Variants in INHBB observed in about 807,000 individuals in gnomAD.
INHBB encodes inhibin beta B chain.
In INHBB, 8 loss-of-function variants were observed where a neutral mutation model predicts 28.9. The ratio of observed to expected loss-of-function variants is 0.28; its 90% CI spans 0.16 to 0.50. INHBB has a LOEUF of 0.50. Ranked by LOEUF, INHBB falls within the 20% of genes least tolerant of loss-of-function variation. The pLI, the probability that INHBB is intolerant of heterozygous loss-of-function variation, is 0.98. For missense variants in INHBB, 499 were observed against 597.8 expected (o/e 0.83, Z 1.72); for synonymous variants, 293 against 262.7 (o/e 1.12, Z -1.12).
At chr2:120,348,090 C>T (rs920513357) in intron 1 of INHBB, among the ~76,000 whole-genome samples, 5 of 151,968 alleles carry the variant, frequency 3.3e-5, no homozygotes, top group Admixed American at 1.3e-4. Flanking sequence ...CTGCAGTTTC[C>T]CCCATTTCAA....
chr2:120,348,524 G>A (rs1302200281), intron 1 of INHBB, among the ~76,000 whole-genome samples: 1 of 152,068 alleles, frequency 6.6e-6, no homozygotes, highest in Non-Finnish European at 1.5e-5. Flanking sequence ...ACGTTCCTAT[G>A]TCAGAAACCT....
chr2:120,349,142 C>T lies in INHBB; in HGVS notation c.492C>T (p.Ser164=). 6.2e-7 allele frequency: 1 copy of T among 1,613,026 alleles called. No individual in the cohort carries two copies. The highest frequency in any genetic ancestry group is 2.2e-5 in the East Asian group (1 of 44,822). The part of the protein sequence containing the change: ...SSRVRLYFFI[S]NEGNQNLFVV... ...GGGTCCGCCTATACTTCTTCATCTC[C>T]AACGAAGGCAACCAGAACCTGTTTG... is the stretch of plus-strand genomic sequence containing the variant. The change falls in exon 2 of 2, where the codon TCC becomes TCT. Residue 164 remains serine, a synonymous_variant. Coordinates refer to ENST00000295228, the MANE Select transcript of INHBB (RefSeq NM_002193.4). This position sits in a 1 kb window ranked among gnomAD's most constrained non-coding sequence, Gnocchi z 5.6.
In INHBB at chr2:120,346,299, C is replaced by G. The variant is rs1482759109; in HGVS notation, c.111C>G (p.Ala37=). The change falls in exon 1 of 2, where the codon GCC becomes GCG. Residue 37 remains alanine, a synonymous_variant. Transcript: ENST00000295228. ...CACCCACGCCCCCGCCGACGCCTGC[C>G]GCGCCGCCGCCACCCCCGCCACCCG... ...WGSPTPPPTP[A]APPPPPPPGS... The G allele has an allele frequency of 7.3e-7, 1 of 1,378,752 alleles. No homozygotes were observed. Among genetic ancestry groups the G allele is most frequent in the South Asian group, 1.7e-5 (1 of 59,530 alleles). 85.4% of individuals were successfully genotyped at this position (1,378,752 alleles called of 1,614,324 possible).
Position 120,346,158 on chromosome 2 carries a change from C to T in INHBB, c.-31C>T. On this transcript the variant is annotated 5_prime_UTR_variant, in exon 1 of 2. Coordinates refer to ENST00000295228, the MANE Select transcript of INHBB (RefSeq NM_002193.4). ...GCTCGGCTCGACTCGGCTCGCCTCGCGGCGGGCGCCCTCGTCGCCAGCGGC... is the reference window on the plus strand; with the variant it reads ...GCTCGGCTCGACTCGGCTCGCCTCGTGGCGGGCGCCCTCGTCGCCAGCGGC... The T allele has an allele frequency of 9.0e-7, 1 of 1,106,952 alleles. No homozygotes were observed. The highest frequency in any genetic ancestry group is 1.1e-6 in the Non-Finnish European group (1 of 910,700). 68.6% of individuals were successfully genotyped at this position (1,106,952 alleles called of 1,614,324 possible).
In INHBB at chr2:120,350,124, G is replaced by A. The variant is rs1050046225; in HGVS notation, c.*250G>A. On this transcript the variant is annotated 3_prime_UTR_variant, in exon 2 of 2. Transcript: ENST00000295228. ...CACACGTAGCCACGCACAGCCAGAC[G>A]CATCCTGCCACCCACACAGCAGCCT... is the stretch of plus-strand genomic sequence containing the variant. 3.8e-5 allele frequency: 19 copies of A among 496,174 alleles called. No homozygotes were observed. The highest frequency in any genetic ancestry group is 3.1e-4 in the African/African-American group (16 of 51,876). 30.7% of individuals were successfully genotyped at this position (496,174 alleles called of 1,614,324 possible).
Position 120,346,569 on chromosome 2 carries a change from C to G in INHBB, c.381C>G (p.Asp127Glu), listed in dbSNP as rs769114695. ...GCCGCGTGGAGATCCCGCACCTCGA[C>G]GGCCACGCCAGCCCGGGCGCCGACG... ...EDGRVEIPHL[D>E]GHASPGADGQ... The change falls in exon 1 of 2, where the codon GAC (aspartate) becomes GAG (glutamate). Residue 127 changes from aspartate (D) to glutamate (E), a missense_variant. This residue lies in a region of INHBB where 385 missense variants were observed against 415.2 expected (regional missense o/e 0.93). Transcript: ENST00000295228. 1 of 1,485,934 alleles carries G rather than the reference C, an allele frequency of 6.7e-7. No individual in the cohort carries two copies. The highest frequency in any genetic ancestry group is 8.9e-7 in the Non-Finnish European group (1 of 1,125,036). The allele number at this position is 1,485,934 out of a possible 1,614,324, so 92.0% of individuals were successfully genotyped here.
In INHBB at chr2:120,349,274, C is replaced by T. The variant is rs4328642; in HGVS notation, c.624C>T (p.His208=). ...RVKVYFQEQG[H]GDRWNMVEKR... ...AAGTGTACTTCCAGGAGCAGGGCCA[C>T]GGTGACAGGTGGAACATGGTGGAGA... The change falls in exon 2 of 2, where the codon CAC becomes CAT. Residue 208 remains histidine (H), a synonymous_variant. Coordinates refer to ENST00000295228, the MANE Select transcript of INHBB (RefSeq NM_002193.4). The surrounding 1 kb of genome is among the most constrained non-coding windows in gnomAD (Gnocchi z 5.6). 0.056 allele frequency: 89,888 copies of T among 1,614,078 alleles called. 5,989 individuals carry two copies. Among genetic ancestry groups the T allele is most frequent in the East Asian group, 0.38 (17,226 of 44,852 alleles).
intron 1 of INHBB, 84 bp downstream of exon 1, chr2:120,346,720 G>T: frequency 7.7e-7 from 1 of 1,298,272 alleles, no homozygotes; most frequent in Non-Finnish European, 9.9e-7. Flanking sequence ...TGCCACCGCC[G>T]CCACCGCAGC....
intron 1 of INHBB, among the ~76,000 whole-genome samples, chr2:120,347,171 T>C (rs1005049896): frequency 2.6e-5 from 4 of 152,130 alleles, no homozygotes; most frequent in African/African-American, 9.7e-5. Context: ...CTTGCCAGGA[T>C]TGCTGAAGCC....
chr2:120,349,388 C>T lies in INHBB; in HGVS notation c.738C>T (p.Leu246=), dbSNP rs144317593. The change falls in exon 2 of 2, where the codon CTC becomes CTT. Residue 246 remains leucine (L), a synonymous_variant. Coordinates refer to ENST00000295228, the MANE Select transcript of INHBB (RefSeq NM_002193.4). The surrounding 1 kb of genome is among the most constrained non-coding windows in gnomAD (Gnocchi z 5.6). ...TGTTTGAGCGGGGCGAGCGGCGACT[C>T]AACCTAGACGTGCAGTGTGACAGCT... is the stretch of plus-strand genomic sequence containing the variant. ...QALFERGERR[L]NLDVQCDSCQ... The T allele has an allele frequency of 1.3e-3, 2,127 of 1,613,930 alleles. 7 individuals carry two copies. The highest frequency in any genetic ancestry group is 1.5e-3 in the Non-Finnish European group (1,822 of 1,180,042).
chr2:120,351,416 A>G lies in INHBB; in HGVS notation c.*1542A>G, dbSNP rs1056381491. The G allele has an allele frequency of 1.3e-5, 2 of 150,976 alleles. No homozygotes were observed. Among genetic ancestry groups the G allele is most frequent in the African/African-American group, 4.9e-5 (2 of 40,938 alleles). The allele number at this position is 150,976 out of a possible 1,614,324, so 9.4% of individuals were successfully genotyped here. A position where few individuals can be genotyped will look rare whatever the true frequency, so the allele number is the denominator to read the frequency against. ...ATAGCAGCAAAAAAAAAAAAAAAAG[A>G]ATACAGTTAAATGTATTATACATAA... is the stretch of plus-strand genomic sequence containing the variant. On this transcript the variant is annotated 3_prime_UTR_variant, in exon 2 of 2. Transcript: ENST00000295228.
Position 120,349,428 on chromosome 2 carries a change from G to A in INHBB, c.778G>A (p.Val260Met), listed in dbSNP as rs770068466. 2.7e-5 allele frequency: 43 copies of A among 1,613,650 alleles called. No homozygotes were observed. Among genetic ancestry groups the A allele is most frequent in the African/African-American group, 9.3e-5 (7 of 74,928 alleles). ...VQCDSCQELA[V>M]VPVFVDPGEE... ...GTGTGACAGCTGCCAGGAGCTGGCC[G>A]TGGTGCCGGTGTTCGTGGACCCAGG... Residue 260 changes from valine to methionine, a missense_variant, in exon 2 of 2, where the codon GTG becomes ATG. By Grantham distance (21) the Val-to-Met change is conservative. Coordinates refer to ENST00000295228, the MANE Select transcript of INHBB (RefSeq NM_002193.4). This position sits in a 1 kb window ranked among gnomAD's most constrained non-coding sequence, Gnocchi z 5.6.
Position 120,349,625 on chromosome 2 carries a change from C to A in INHBB, c.975C>A (p.Thr325=), listed in dbSNP as rs368438939. 2.5e-6 allele frequency: 4 copies of A among 1,613,810 alleles called. No homozygotes were observed. Among genetic ancestry groups the A allele is most frequent in the South Asian group, 2.2e-5 (2 of 91,084 alleles). Residue 325 remains threonine (T), a synonymous_variant, in exon 2 of 2, where the codon ACC becomes ACA. Coordinates refer to ENST00000295228, the MANE Select transcript of INHBB (RefSeq NM_002193.4). This position sits in a 1 kb window ranked among gnomAD's most constrained non-coding sequence, Gnocchi z 5.6. ...GGAACGACTGGATCATAGCACCCACCGGCTACTACGGGAACTACTGTGAGG... is the reference window on the plus strand; with the variant it reads ...GGAACGACTGGATCATAGCACCCACAGGCTACTACGGGAACTACTGTGAGG... ...IGWNDWIIAP[T]GYYGNYCEGS...
At position 120,346,531 on chromosome 2, in the gene INHBB, G is replaced by A; in HGVS notation, c.343G>A (p.Val115Met). The change falls in exon 1 of 2, where the codon GTG (valine) becomes ATG (methionine). Residue 115 changes from valine to methionine, a missense_variant. By Grantham distance (21) the Val-to-Met change is conservative. Around this residue, in one of 2 missense-constraint regions of INHBB, gnomAD observed 385 missense variants for 415.2 expected, o/e 0.93. Coordinates refer to ENST00000295228, the MANE Select transcript of INHBB (RefSeq NM_002193.4). ...TALRKLHAGK[V>M]REDGRVEIPH... ...CCTGCGCAAGCTGCACGCGGGCAAGGTGCGCGAGGACGGCCGCGTGGAGAT... is the reference window on the plus strand; with the variant it reads ...CCTGCGCAAGCTGCACGCGGGCAAGATGCGCGAGGACGGCCGCGTGGAGAT... The A allele has an allele frequency of 1.3e-6, 2 of 1,526,848 alleles. No individual in the cohort carries two copies. The highest frequency in any genetic ancestry group is 1.7e-6 in the Non-Finnish European group (2 of 1,143,538). 94.6% of individuals were successfully genotyped at this position (1,526,848 alleles called of 1,614,324 possible).
Position 120,349,718 on chromosome 2 carries a change from C to T in INHBB, c.1068C>T (p.Asn356=), listed in dbSNP as rs1691227255. 2.5e-6 allele frequency: 4 copies of T among 1,613,800 alleles called. No homozygotes were observed. The highest frequency in any genetic ancestry group is 3.4e-6 in the Non-Finnish European group (4 of 1,180,032). The part of the protein sequence containing the change: ...SASSFHTAVV[N]QYRMRGLNPG... The stretch of plus-strand genomic sequence containing the variant: ...CCTCCTTCCACACGGCTGTGGTGAA[C>T]CAGTACCGCATGCGGGGTCTGAACC... The change falls in exon 2 of 2, where the codon AAC becomes AAT. Residue 356 remains asparagine (N), a synonymous_variant. Coordinates refer to ENST00000295228, the MANE Select transcript of INHBB (RefSeq NM_002193.4). The surrounding 1 kb of genome is among the most constrained non-coding windows in gnomAD (Gnocchi z 5.6).
In INHBB at chr2:120,349,750, C is replaced by T. The variant is rs759235725; in HGVS notation, c.1100C>T (p.Thr367Met). The change falls in exon 2 of 2, where the codon ACG becomes ATG. Residue 367 changes from threonine to methionine, a missense_variant. By Grantham distance (81) the Thr-to-Met change is moderately conservative (BLOSUM62 -1). Coordinates refer to ENST00000295228, the MANE Select transcript of INHBB (RefSeq NM_002193.4). This position sits in a 1 kb window ranked among gnomAD's most constrained non-coding sequence, Gnocchi z 5.6. ...CGCATGCGGGGTCTGAACCCCGGCA[C>T]GGTGAACTCCTGCTGCATTCCCACC... ...QYRMRGLNPGTVNSCCIPTKL... is the reference protein window; with the variant it reads ...QYRMRGLNPGMVNSCCIPTKL... 18 of 1,613,518 alleles carry T rather than the reference C, an allele frequency of 1.1e-5. No individual in the cohort carries two copies. In the African/African-American group the frequency reaches 1.3e-4, roughly 12 times the overall value.
In INHBB at chr2:120,349,137, A is replaced by G. The variant is rs1339414880; in HGVS notation, c.487A>G (p.Ile163Val). The G allele has an allele frequency of 3.1e-6, 5 of 1,612,204 alleles. No homozygotes were observed. The highest frequency in any genetic ancestry group is 2.5e-6 in the Non-Finnish European group (3 of 1,178,898). Residue 163 changes from isoleucine (I) to valine (V), a missense_variant, in exon 2 of 2, where the codon ATC becomes GTC. This residue lies in a region of INHBB where 385 missense variants were observed against 415.2 expected (regional missense o/e 0.93). Coordinates refer to ENST00000295228, the MANE Select transcript of INHBB (RefSeq NM_002193.4). This position sits in a 1 kb window ranked among gnomAD's most constrained non-coding sequence, Gnocchi z 5.6. ...ASSRVRLYFF[I>V]SNEGNQNLFV... ...CTCCCGGGTCCGCCTATACTTCTTC[A>G]TCTCCAACGAAGGCAACCAGAACCT...
rs569877940 is a variant in INHBB, at chr2:120,349,919, C to G, written c.*45C>G. 6.4e-7 allele frequency: 1 copy of G among 1,567,368 alleles called. No homozygotes were observed. Among genetic ancestry groups the G allele is most frequent in the Non-Finnish European group, 8.7e-7 (1 of 1,152,846 alleles). On this transcript the variant is annotated 3_prime_UTR_variant, in exon 2 of 2. Coordinates refer to ENST00000295228, the MANE Select transcript of INHBB (RefSeq NM_002193.4). This position sits in a 1 kb window ranked among gnomAD's most constrained non-coding sequence, Gnocchi z 5.6. ...GGTGGTGGGGCACGGAGGGCAGTCC[C>G]GGGTGGGCTTCTTCCAGCCCCCGCG...
chr2:120,346,736 C>T, intron 1 of INHBB, 100 bp downstream of exon 1: 1 of 1,229,812 alleles, frequency 8.1e-7, no homozygotes, highest in Non-Finnish European at 1.1e-6. Context: ...GCAGCCCGCG[C>T]GCCCTGGGGC....
Sources: allele counts gnomAD v4.1 joint callset (sites outside exome capture counted in the v4.1 genomes callset), GRCh38; gene constraint gnomAD v4.1.1; regional missense constraint gnomAD v4.1.1; non-coding constraint Gnocchi (gnomAD v3.1); transcripts MANE v1.5; gene names NCBI Gene and HGNC (gene_info 2026-07-23, HGNC 2026-07-21).